The following GOLGA8A variants were observed in gnomAD, a reference collection of about 807,000 sequenced individuals.
The protein encoded by GOLGA8A is golgin A8 family member A.
In GOLGA8A, 3 loss-of-function variants were observed where a neutral mutation model predicts 22.1. That is an observed-to-expected ratio of 0.14 (90% confidence interval 0.06 to 0.35). GOLGA8A has a LOEUF of 0.35. GOLGA8A is among the 10% of genes least tolerant of loss of function. GOLGA8A has a pLI of 1.00. For synonymous variants in GOLGA8A, 7 were observed against 91.7 expected (o/e 0.08, Z 5.28); for missense variants, 16 against 233.2 (o/e 0.07, Z 6.07).
chr15:34,409,904 A>AT, intron 2 of GOLGA8A: 2 of 559,788 alleles, frequency 3.6e-6, no homozygotes, highest in Non-Finnish European at 6.3e-6. Context: ...GAGGACGACT[A>AT]TGATGAGGGC....
At chr15:34,424,238 G>A (rs1892893953) in intron 2 of GOLGA8A, among the ~76,000 whole-genome samples, 1 of 135,952 alleles carries the variant, frequency 7.4e-6, no homozygotes, top group Non-Finnish European at 1.6e-5. Context: ...CGGCTGCCCT[G>A]GGGACTGCTG....
intron 2 of GOLGA8A, chr15:34,428,505 G>C (rs1893081433): frequency 6.7e-6 from 1 of 149,172 alleles, no homozygotes; most frequent in African/African-American, 2.5e-5. Context: ...AGCAGACAGG[G>C]ATAATGAAGC....
intron 2 of GOLGA8A, among the ~76,000 whole-genome samples, chr15:34,423,157 C>A (rs1484795594): frequency 1.6e-5 from 2 of 124,614 alleles, no homozygotes; most frequent in African/African-American, 2.8e-5. Context: ...ACACTTCGAA[C>A]CTTCCTGGGC....
chr15:34,405,921 G>A (rs1262714735), intron 4 of GOLGA8A, among the ~76,000 whole-genome samples: 2 of 136,300 alleles, frequency 1.5e-5, no homozygotes, highest in Non-Finnish European at 3.3e-5. Flanking sequence ...GTTGGCCAGC[G>A]GAGTGGGGAA....
At chr15:34,404,509 A>G (rs1432694067) in intron 5 of GOLGA8A, among the ~76,000 whole-genome samples, 1 of 150,400 alleles carries the variant, frequency 6.6e-6, no homozygotes, top group Non-Finnish European at 1.5e-5. Flanking sequence ...ACGGTGGCTC[A>G]TGCCTGTAAT....
chr15:34,437,215 G>T (rs1382972539), intron 1 of GOLGA8A, among the ~76,000 whole-genome samples, 183 bp downstream of exon 1: 1 of 146,872 alleles, frequency 6.8e-6, no homozygotes, highest in Non-Finnish European at 1.5e-5. Flanking sequence ...AGGCCGCCGG[G>T]CTGCACCCCT....
chr15:34,379,329 T>A lies in GOLGA8A; in HGVS notation c.*2082A>T, dbSNP rs1459788531. The stretch of plus-strand genomic sequence containing the variant: ...TTTAAAATGTTTTATTTCAGAACAT[T>A]AAGATAGCAGTTACATTTTTTAATA... On this transcript the variant is annotated 3_prime_UTR_variant, in exon 25 of 25. Coordinates refer to ENST00000359187, the MANE Select transcript of GOLGA8A (RefSeq NM_181077.5). 1 of 152,628 alleles carries A rather than the reference T, an allele frequency of 6.6e-6. No individual in the cohort carries two copies. The highest frequency in any genetic ancestry group is 1.5e-5 in the Non-Finnish European group (1 of 68,052). 9.5% of individuals were successfully genotyped at this position (152,628 alleles called of 1,614,324 possible).
Position 34,380,470 on chromosome 15 carries a change from A to C in GOLGA8A, c.*941T>G, listed in dbSNP as rs1219849132. 1 of 152,264 alleles carries C rather than the reference A, an allele frequency of 6.6e-6. No homozygotes were observed. Among genetic ancestry groups the C allele is most frequent in the East Asian group, 1.9e-4 (1 of 5,208 alleles). The allele number at this position is 152,264 out of a possible 1,614,324, so 9.4% of individuals were successfully genotyped here. Reference sequence around the variant, plus strand: ...GTGTACTGGGACAGGTAGTCATGTGATTAAAACAGGGAACACGAACTCTGA... The same window carrying C: ...GTGTACTGGGACAGGTAGTCATGTGCTTAAAACAGGGAACACGAACTCTGA... On this transcript the variant is annotated 3_prime_UTR_variant, in exon 25 of 25. Coordinates refer to ENST00000359187, the MANE Select transcript of GOLGA8A (RefSeq NM_181077.5).
At position 34,382,001 on chromosome 15, in the gene GOLGA8A, G is replaced by A; in HGVS notation, c.1420C>T (p.His474Tyr). The stretch of plus-strand genomic sequence containing the variant: ...CCTCCTTGTCCTGGGCCAGCCTGAT[G>A]ATGGCCTCCTCCCGGTGACGCATCT... ...AKDASPGGGH[H>Y]QAGPGQGGEE... The change falls in exon 23 of 25, where the codon CAT (histidine) becomes TAT (tyrosine). Residue 474 changes from histidine to tyrosine, a missense_variant. Transcript: ENST00000359187. The A allele has an allele frequency of 2.8e-6, 1 of 353,846 alleles. No individual in the cohort carries two copies. Among genetic ancestry groups the A allele is most frequent in the South Asian group, 2.5e-5 (1 of 39,554 alleles). The allele number at this position is 353,846 out of a possible 1,614,324, so 21.9% of individuals were successfully genotyped here. A position where few individuals can be genotyped will look rare whatever the true frequency, so the allele number is the denominator to read the frequency against.
intron 1 of GOLGA8A, among the ~76,000 whole-genome samples, chr15:34,436,157 G>C (rs1893498741): frequency 6.7e-6 from 1 of 149,152 alleles, no homozygotes; most frequent in Admixed American, 6.8e-5. Context: ...CCCTGACCCA[G>C]AGGCCTGAGA....
In GOLGA8A at chr15:34,427,960, C is replaced by A. The variant is rs189870602; in HGVS notation, c.-1123+7423G>T. On this transcript the variant is annotated intron_variant, in intron 2 of 24. Coordinates refer to ENST00000359187, the MANE Select transcript of GOLGA8A (RefSeq NM_181077.5). Reference sequence around the variant, plus strand: ...TCTCTGAAATTCAGGTTTGGGAAATCAGTTGACATGAACTACAGCATAATA... The same window carrying A: ...TCTCTGAAATTCAGGTTTGGGAAATAAGTTGACATGAACTACAGCATAATA... Among the ~76,000 whole-genome samples the A allele has an allele frequency of 2.0e-5, 3 of 148,944 alleles. 1 individual carries two copies. In the Admixed American group the frequency reaches 2.0e-4, roughly 10 times the overall value.
intron 6 of GOLGA8A, among the ~76,000 whole-genome samples, chr15:34,400,386 T>C (rs1892008471): frequency 6.8e-6 from 1 of 147,326 alleles, no homozygotes; most frequent in African/African-American, 2.5e-5. Flanking sequence ...CCACCATGCC[T>C]GGCTAATATT....
chr15:34,424,083 G>A (rs1892887422), intron 2 of GOLGA8A, among the ~76,000 whole-genome samples: 1 of 148,338 alleles, frequency 6.7e-6, no homozygotes, highest in South Asian at 2.2e-4. Flanking sequence ...CCATGGGTGA[G>A]TACCCATGTG....
At chr15:34,400,929 G>GTT (rs372533500) in intron 5 of GOLGA8A, among the ~76,000 whole-genome samples, 170 bp from the exon 6 acceptor site, 1 of 81,540 alleles carries the variant, frequency 1.2e-5, no homozygotes, top group Non-Finnish European at 2.7e-5. Context: ...TTTTATGTCT[G>GTT]TTTTTTTCAT....
At chr15:34,437,204 A>G (rs1403029085) in intron 1 of GOLGA8A, among the ~76,000 whole-genome samples, 194 bp downstream of exon 1, 1 of 146,456 alleles carries the variant, frequency 6.8e-6, no homozygotes, top group Non-Finnish European at 1.5e-5. Context: ...CGAGAGGCGT[A>G]AGGCCGCCGG....
rs1404658836 is a variant in GOLGA8A at position 34,432,372 on chromosome 15, G to A, written c.-1123+3011C>T. Among the ~76,000 whole-genome samples, 2 of 148,594 alleles carry A rather than the reference G, an allele frequency of 1.3e-5. 1 individual carries two copies. The highest frequency in any genetic ancestry group is 3.0e-5 in the Non-Finnish European group (2 of 67,062). On this transcript the variant is annotated intron_variant, in intron 2 of 24. Coordinates refer to ENST00000359187, the MANE Select transcript of GOLGA8A (RefSeq NM_181077.5). Reference sequence around the variant, plus strand: ...ATCTGATACAAAATGGGCCCCAGCAGGAGACAGGGACAGAACACGGACCTC... The same window carrying A: ...ATCTGATACAAAATGGGCCCCAGCAAGAGACAGGGACAGAACACGGACCTC...
chr15:34,429,168 C>A (rs1056755905), intron 2 of GOLGA8A, among the ~76,000 whole-genome samples: 1 of 147,740 alleles, frequency 6.8e-6, no homozygotes, highest in African/African-American at 2.5e-5. Flanking sequence ...CGCCCCTGAC[C>A]GCGTCTTCCT....
At chr15:34,433,107 C>T (rs1893329976) in intron 2 of GOLGA8A, among the ~76,000 whole-genome samples, 1 of 148,934 alleles carries the variant, frequency 6.7e-6, no homozygotes, top group South Asian at 2.2e-4. Context: ...ATCCCATCCT[C>T]TTTTCTGACC....
chr15:34,400,339 G>T (rs1892004965), intron 6 of GOLGA8A, among the ~76,000 whole-genome samples: 1 of 132,256 alleles, frequency 7.6e-6, no homozygotes, highest in Non-Finnish European at 1.6e-5. Flanking sequence ...TCCCAGCTCA[G>T]CCTCCCACGA....
Sources: allele counts gnomAD v4.1 joint callset (sites outside exome capture counted in the v4.1 genomes callset), GRCh38; gene constraint gnomAD v4.1.1; transcripts MANE v1.5; gene names NCBI Gene and HGNC (gene_info 2026-07-23, HGNC 2026-07-21).